TTC28: variants seen among roughly 807,000 people sequenced by gnomAD.
TTC28 encodes tetratricopeptide repeat protein 28.
A neutral mutation model predicts 198.0 loss-of-function variants in TTC28; 61 were observed. The ratio of observed to expected loss-of-function variants is 0.31; its 90% CI spans 0.25 to 0.38. TTC28 has a LOEUF of 0.38. Among genes scored for constraint, TTC28 ranks in the 10% least tolerant of loss-of-function variants. The pLI, the probability that TTC28 is intolerant of heterozygous loss-of-function variation, is 1.00. For synonymous variants in TTC28, 1,171 were observed against 1,297.8 expected, an observed-to-expected ratio of 0.90 and a Z score of 2.10; for missense variants, 2,678 against 3,164.0, an observed-to-expected ratio of 0.85 and a Z score of 3.69.
At chr22:28,011,023 C>T (rs2146574893) in intron 14 of TTC28, among the ~76,000 whole-genome samples, 1 of 152,264 alleles carries the variant, frequency 6.6e-6, no homozygotes, top group East Asian at 1.9e-4. Flanking sequence ...GTCCTGAGTC[C>T]AATCAGGCAC....
intron 12 of TTC28, among the ~76,000 whole-genome samples, chr22:28,081,650 G>A (rs907706499): frequency 2.1e-4 from 32 of 151,986 alleles, no homozygotes; most frequent in African/African-American, 7.7e-4. Flanking sequence ...GCGCCACCTT[G>A]CCCAGCTAAT....
chr22:28,467,322 G>T (rs1333006355), intron 2 of TTC28, among the ~76,000 whole-genome samples: 1 of 152,182 alleles, frequency 6.6e-6, no homozygotes, highest in Non-Finnish European at 1.5e-5. Context: ...TATTCAGGAG[G>T]CTGAGGTGGG....
Position 28,500,783 on chromosome 22 carries a change from G to A in TTC28, c.381+128769C>T, listed in dbSNP as rs548189347. ...TCTTCTGCGTGATTCCTGACAAACC[G>A]AGTTTCATAAAGCTGTACAAAAAAT... On this transcript the variant is annotated intron_variant, in intron 2 of 22. Coordinates refer to ENST00000397906, the MANE Select transcript of TTC28 (RefSeq NM_001145418.2). Among the ~76,000 whole-genome samples the A allele has an allele frequency of 4.3e-4, 65 of 152,122 alleles. 2 individuals are homozygous for A. The highest frequency in any genetic ancestry group is 3.9e-3 in the Admixed American group (60 of 15,294).
chr22:28,500,188 T>C lies in TTC28; in HGVS notation c.381+129364A>G, dbSNP rs7290977. On this transcript the variant is annotated intron_variant, in intron 2 of 22. Coordinates refer to ENST00000397906, the MANE Select transcript of TTC28 (RefSeq NM_001145418.2). The stretch of plus-strand genomic sequence containing the variant: ...CATCCATCAGCAGTTATTCACCACT[T>C]CCTCCTACCCCAAGCTCCTGAAAAC... Among the ~76,000 whole-genome samples the C allele has an allele frequency of 7.0e-3, 1,059 of 152,232 alleles. 16 individuals carry two copies. The highest frequency in any genetic ancestry group is 0.024 in the African/African-American group (1,016 of 41,552).
intron 2 of TTC28, among the ~76,000 whole-genome samples, chr22:28,622,620 T>C (rs1358730836): frequency 6.6e-6 from 1 of 152,072 alleles, no homozygotes; most frequent in African/African-American, 2.4e-5. Context: ...AATAATTGCA[T>C]TAAAAATAAA....
At chr22:28,087,199 A>G (rs1442924093) in intron 12 of TTC28, among the ~76,000 whole-genome samples, 1 of 152,136 alleles carries the variant, frequency 6.6e-6, no homozygotes. Context: ...CCGGGCAGAG[A>G]CAAAACAAAA....
At chr22:28,205,967 C>T (rs1318005333) in intron 5 of TTC28, among the ~76,000 whole-genome samples, 1 of 146,804 alleles carries the variant, frequency 6.8e-6, no homozygotes, top group African/African-American at 2.5e-5. Context: ...CCCGGCTGCA[C>T]AAAACCCTAT....
intron 2 of TTC28, among the ~76,000 whole-genome samples, chr22:28,532,841 T>C (rs538788381): frequency 6.6e-5 from 10 of 152,248 alleles, no homozygotes; most frequent in African/African-American, 1.9e-4. Context: ...GTAAAGGTCT[T>C]TGACAAAATT....
chr22:28,359,091 T>C (rs972418293), intron 2 of TTC28, among the ~76,000 whole-genome samples: 1 of 152,196 alleles, frequency 6.6e-6, no homozygotes, highest in Non-Finnish European at 1.5e-5. Context: ...AATAAGAACA[T>C]TCCACTGCGC....
At chr22:28,641,905 TAAAG>T (rs1163533956) in intron 1 of TTC28, among the ~76,000 whole-genome samples, 7 of 152,230 alleles carry the variant, frequency 4.6e-5, no homozygotes, top group African/African-American at 1.4e-4. Flanking sequence ...TAAATGGAGC[TAAAG>T]TTCTCTAAGA....
chr22:28,374,981 G>A lies in TTC28; in HGVS notation c.382-68338C>T, dbSNP rs995396904. On this transcript the variant is annotated intron_variant, in intron 2 of 22. Transcript: ENST00000397906. The stretch of plus-strand genomic sequence containing the variant: ...CTCATGCCTGTAATCTAAGCAACTC[G>A]GCAGGCTGAGGCGGGAGGATCGCCT... 4.2e-4 allele frequency among the ~76,000 whole-genome samples: 64 copies of A among 151,788 alleles called. 2 individuals carry two copies. Among genetic ancestry groups the A allele is most frequent in the East Asian group, 3.5e-3 (18 of 5,164 alleles).
At chr22:28,413,215 G>A (rs548491097) in intron 2 of TTC28, among the ~76,000 whole-genome samples, 2 of 152,158 alleles carry the variant, frequency 1.3e-5, no homozygotes, top group African/African-American at 2.4e-5. Context: ...GCGGGCGGAT[G>A]ACGAGGTCAA....
intron 6 of TTC28, among the ~76,000 whole-genome samples, chr22:28,146,659 C>T (rs1943476803): frequency 6.6e-6 from 1 of 152,172 alleles, no homozygotes; most frequent in Non-Finnish European, 1.5e-5. Context: ...AACAGCTGGG[C>T]CATGTTATAA....
intron 16 of TTC28, chr22:27,998,036 T>A (rs1937582332): frequency 6.1e-6 from 1 of 164,468 alleles, no homozygotes; most frequent in African/African-American, 2.4e-5. Flanking sequence ...ATGCAGGGCT[T>A]GAAGCTTCAC....
chr22:28,619,880 A>G (rs1311802997), intron 2 of TTC28, among the ~76,000 whole-genome samples: 1 of 152,278 alleles, frequency 6.6e-6, no homozygotes, highest in Admixed American at 6.5e-5. Flanking sequence ...CAAAGAAATT[A>G]TGGGGACCAT....
chr22:28,507,586 A>C (rs1210339572), intron 2 of TTC28, among the ~76,000 whole-genome samples: 2 of 152,170 alleles, frequency 1.3e-5, no homozygotes, highest in African/African-American at 4.8e-5. Flanking sequence ...CAAGAAGACC[A>C]ACCCCAAGAC....
intron 5 of TTC28, among the ~76,000 whole-genome samples, chr22:28,245,460 G>T (rs1217865855): frequency 6.6e-6 from 1 of 152,116 alleles, no homozygotes; most frequent in African/African-American, 2.4e-5. Flanking sequence ...CAGTTTTATA[G>T]ATGAGGAGGC....
At chr22:27,992,732 A>C in intron 18 of TTC28, 69 bp from the exon 19 acceptor site, 1 of 1,450,770 alleles carries the variant, frequency 6.9e-7, no homozygotes, top group Non-Finnish European at 9.4e-7. Context: ...CCACCTTCCC[A>C]GGGGAAAGAA....
intron 22 of TTC28, among the ~76,000 whole-genome samples, chr22:27,984,119 G>A (rs1026335746): frequency 2.6e-5 from 4 of 152,026 alleles, no homozygotes; most frequent in East Asian, 1.9e-4. Flanking sequence ...TGTCACATGC[G>A]GGGTCAGGGT....
Sources: gnomAD v4.1 joint callset for allele counts (sites outside exome capture counted in the v4.1 genomes callset) on GRCh38, gnomAD v4.1.1 for gene constraint, MANE v1.5 for transcripts, NCBI Gene and HGNC (gene_info 2026-07-23, HGNC 2026-07-21) for gene names.